The following BRINP3 variants were observed in gnomAD, a reference collection of about 807,000 sequenced individuals.
The protein encoded by BRINP3 is BMP/retinoic acid-inducible neural-specific protein 3.
A neutral mutation model predicts 71.0 loss-of-function variants in BRINP3; 19 were observed. That is an observed-to-expected ratio of 0.27 (90% CI 0.19 to 0.39). The LOEUF is 0.39. BRINP3 is among the 10% of genes least tolerant of loss of function. The pLI is 1.00. For missense variants in BRINP3, 959 were observed against 940.8 expected, an observed-to-expected ratio of 1.02 and a Z score of -0.25; for synonymous variants, 380 against 337.7, an observed-to-expected ratio of 1.13 and a Z score of -1.37.
At chr1:190,209,879 T>C (rs1367176064) in intron 6 of BRINP3, among the ~76,000 whole-genome samples, 1 of 152,120 alleles carries the variant, frequency 6.6e-6, no homozygotes, top group Non-Finnish European at 1.5e-5. Context: ...ATAAGAATAG[T>C]CCACTTGTAT....
At chr1:190,411,949 A>T (rs1259080844) in intron 2 of BRINP3, among the ~76,000 whole-genome samples, 1 of 152,146 alleles carries the variant, frequency 6.6e-6, no homozygotes, top group African/African-American at 2.4e-5. Flanking sequence ...GACGACTGAA[A>T]TTCTGTTAAT....
chr1:190,192,363 C>G (rs1296784861), intron 6 of BRINP3, among the ~76,000 whole-genome samples: 1 of 152,054 alleles, frequency 6.6e-6, no homozygotes, highest in Non-Finnish European at 1.5e-5. Flanking sequence ...GATTAGTGTA[C>G]TGAATCACTA....
chr1:190,275,719 C>T (rs1415704055), intron 3 of BRINP3, among the ~76,000 whole-genome samples: 1 of 151,510 alleles, frequency 6.6e-6, no homozygotes, highest in Non-Finnish European at 1.5e-5. Context: ...ATAAAATGTC[C>T]AATGTTCTAG....
At chr1:190,159,205 T>A (rs990872767) in intron 7 of BRINP3, among the ~76,000 whole-genome samples, 1 of 152,078 alleles carries the variant, frequency 6.6e-6, no homozygotes, top group Admixed American at 6.6e-5. Context: ...TATAACCAAA[T>A]TGATACAAAA....
chr1:190,284,656 C>T (rs558009312), intron 2 of BRINP3, among the ~76,000 whole-genome samples: 1 of 151,960 alleles, frequency 6.6e-6, no homozygotes, highest in Non-Finnish European at 1.5e-5. Context: ...CTATCAGGTA[C>T]TTTTTACTCA....
intron 7 of BRINP3, among the ~76,000 whole-genome samples, chr1:190,109,164 G>C (rs2102274458): frequency 6.6e-6 from 1 of 151,852 alleles, no homozygotes; most frequent in South Asian, 2.1e-4. Context: ...ATTGTCTTTT[G>C]ATATTAAAAT....
chr1:190,448,435 T>C (rs1026750146), intron 2 of BRINP3, among the ~76,000 whole-genome samples: 3 of 150,348 alleles, frequency 2.0e-5, no homozygotes, highest in Non-Finnish European at 3.0e-5. Context: ...TAAATAATCT[T>C]TTTTCTTAAC....
intron 4 of BRINP3, 73 bp downstream of exon 4, chr1:190,264,792 C>A: frequency 8.0e-7 from 1 of 1,245,194 alleles, no homozygotes. Context: ...TAAGCAAATA[C>A]ATAAAAATGC....
At chr1:190,429,474 A>G (rs1673945215) in intron 2 of BRINP3, among the ~76,000 whole-genome samples, 1 of 152,214 alleles carries the variant, frequency 6.6e-6, no homozygotes, top group Non-Finnish European at 1.5e-5. Context: ...ACTTTTCAGC[A>G]AATATAATTT....
At chr1:190,349,384 G>T (rs959980378) in intron 2 of BRINP3, among the ~76,000 whole-genome samples, 5 of 152,014 alleles carry the variant, frequency 3.3e-5, no homozygotes, top group African/African-American at 4.8e-5. Flanking sequence ...GAAACAGGAG[G>T]TATTAATTTA....
At chr1:190,226,737 A>G (rs1657417383) in intron 5 of BRINP3, among the ~76,000 whole-genome samples, 2 of 151,986 alleles carry the variant, frequency 1.3e-5, no homozygotes, top group Admixed American at 1.3e-4. Context: ...GCCCACATCA[A>G]TGTAAATATC....
At chr1:190,209,361 C>T (rs1433255002) in intron 6 of BRINP3, among the ~76,000 whole-genome samples, 3 of 152,080 alleles carry the variant, frequency 2.0e-5, no homozygotes, top group African/African-American at 7.2e-5. Context: ...AGTGAGTTTT[C>T]AACATCTAGA....
chr1:190,182,699 G>A (rs957451084), intron 6 of BRINP3, among the ~76,000 whole-genome samples: 1 of 152,044 alleles, frequency 6.6e-6, no homozygotes, highest in Admixed American at 6.6e-5. Flanking sequence ...AGTCTACAGA[G>A]TTATTTATGC....
At chr1:190,327,086 C>G (rs185106652) in intron 2 of BRINP3, among the ~76,000 whole-genome samples, 1 of 150,448 alleles carries the variant, frequency 6.6e-6, no homozygotes, top group Non-Finnish European at 1.5e-5. Context: ...GAGGCCAAGG[C>G]GGGTGGATCA....
chr1:190,187,933 G>C (rs1172725772), intron 6 of BRINP3, among the ~76,000 whole-genome samples: 1 of 150,930 alleles, frequency 6.6e-6, no homozygotes, highest in Non-Finnish European at 1.5e-5. Context: ...TTGATATTTT[G>C]ATAAGAATTG....
rs376141268 is a variant in BRINP3 at position 190,099,009 on chromosome 1, G to C, written c.1310C>G (p.Ala437Gly). 7 of 1,614,166 alleles carry C rather than the reference G, an allele frequency of 4.3e-6. No individual in the cohort carries two copies. In the Admixed American group the frequency reaches 1.2e-4, roughly 27 times the overall value. ...TCPNDQVVCTAFLPCTVGDAS... is the reference protein window; with the variant it reads ...TCPNDQVVCTGFLPCTVGDAS... ...GTCTCCCACTGTGCAGGGCAGGAAC[G>C]CGGTGCAGACCACCTGGTCATTCGG... Residue 437 changes from alanine to glycine, a missense_variant, in exon 8 of 8, where the codon GCG (alanine) becomes GGG (glycine). Coordinates refer to ENST00000367462, the MANE Select transcript of BRINP3 (RefSeq NM_199051.3).
intron 2 of BRINP3, among the ~76,000 whole-genome samples, chr1:190,348,779 A>T (rs1262438867): frequency 6.6e-6 from 1 of 152,158 alleles, no homozygotes; most frequent in Non-Finnish European, 1.5e-5. Context: ...TTATTCAGGT[A>T]TAGCAGACAC....
chr1:190,201,939 A>T (rs1655042978), intron 6 of BRINP3, among the ~76,000 whole-genome samples: 1 of 152,138 alleles, frequency 6.6e-6, no homozygotes, highest in African/African-American at 2.4e-5. Flanking sequence ...CAGAAGGGAA[A>T]TGTGGCGTCA....
chr1:190,266,665 G>A (rs1661690188), intron 3 of BRINP3, among the ~76,000 whole-genome samples: 1 of 152,086 alleles, frequency 6.6e-6, no homozygotes, highest in Non-Finnish European at 1.5e-5. Context: ...AACAGGTGAG[G>A]AAATTTCAGG....
Sources: allele counts gnomAD v4.1 joint callset (sites outside exome capture counted in the v4.1 genomes callset), GRCh38; gene constraint gnomAD v4.1.1; transcripts MANE v1.5; gene names NCBI Gene and HGNC (gene_info 2026-07-23, HGNC 2026-07-21).